The following KCNH8 variants were observed in gnomAD, a reference collection of about 807,000 sequenced individuals.
KCNH8 encodes the protein voltage-gated delayed rectifier potassium channel KCNH8.
Under a neutral mutation model 103.6 loss-of-function variants are expected in KCNH8, and 70 were observed. The observed-to-expected ratio is 0.68, with a 90% CI of 0.56 to 0.82. The LOEUF (loss-of-function observed/expected upper bound fraction) is 0.82. Among genes scored for constraint, KCNH8 ranks in the 40% least tolerant of loss-of-function variants. KCNH8 has a pLI of 0.00. For synonymous variants in KCNH8, 498 were observed against 489.4 expected, an observed-to-expected ratio of 1.02 and a Z score of -0.23; for missense variants, 1,217 against 1,329.9, an observed-to-expected ratio of 0.92 and a Z score of 1.32.
intron 11 of KCNH8, among the ~76,000 whole-genome samples, chr3:19,492,440 C>T (rs2125225191): frequency 6.6e-6 from 1 of 152,192 alleles, no homozygotes; most frequent in South Asian, 2.1e-4. Flanking sequence ...AAGTCCTTTC[C>T]CATTACTTAT....
At chr3:19,445,188 A>G (rs1467435802) in intron 8 of KCNH8, among the ~76,000 whole-genome samples, 3 of 152,046 alleles carry the variant, frequency 2.0e-5, no homozygotes, top group Non-Finnish European at 4.4e-5. Context: ...TAAATCGTAC[A>G]AACTCAATGC....
At chr3:19,307,915 GGAA>G (rs1309436503) in intron 3 of KCNH8, among the ~76,000 whole-genome samples, 2 of 151,830 alleles carry the variant, frequency 1.3e-5, no homozygotes, top group African/African-American at 4.8e-5. Context: ...GGGAGGAACA[GGAA>G]GAGATTTGCT....
rs536851977 is a variant in KCNH8 at position 19,282,843 on chromosome 3, A to G, written c.442+1514A>G. Reference sequence around the variant, plus strand: ...ATCCACGTTCTGAATCAGCTGAAAAAGAAAAATGAGTAGATTGGAGACCAA... The same window carrying G: ...ATCCACGTTCTGAATCAGCTGAAAAGGAAAAATGAGTAGATTGGAGACCAA... On this transcript the variant is annotated intron_variant, in intron 3 of 15. Transcript: ENST00000328405. Among the ~76,000 whole-genome samples, 5 of 152,334 alleles carry G rather than the reference A, an allele frequency of 3.3e-5. No homozygotes were observed. In the East Asian group the frequency reaches 7.7e-4, roughly 24 times the overall value.
intron 11 of KCNH8, among the ~76,000 whole-genome samples, chr3:19,502,627 T>C (rs1299413527): frequency 6.6e-6 from 1 of 151,926 alleles, no homozygotes; most frequent in Non-Finnish European, 1.5e-5. Context: ...ACGCCACATA[T>C]CTACAACTAT....
intron 11 of KCNH8, among the ~76,000 whole-genome samples, chr3:19,460,649 C>G (rs1251428628): frequency 1.3e-5 from 2 of 152,152 alleles, no homozygotes; most frequent in Non-Finnish European, 2.9e-5. Flanking sequence ...TCTTAGGGAT[C>G]ACGTCCTTCA....
intron 1 of KCNH8, among the ~76,000 whole-genome samples, chr3:19,173,359 T>A (rs923761171): frequency 6.6e-6 from 1 of 152,052 alleles, no homozygotes; most frequent in Admixed American, 6.6e-5. Flanking sequence ...GTGCCCGGAT[T>A]TTTCCTAGTT....
intron 5 of KCNH8, among the ~76,000 whole-genome samples, chr3:19,379,920 A>C (rs1011802812): frequency 1.3e-5 from 2 of 152,212 alleles, no homozygotes; most frequent in African/African-American, 4.8e-5. Flanking sequence ...AAAAAACAGT[A>C]AAACTATCTC....
At chr3:19,388,453 T>A (rs2066389306) in intron 5 of KCNH8, among the ~76,000 whole-genome samples, 1 of 152,064 alleles carries the variant, frequency 6.6e-6, no homozygotes, top group Non-Finnish European at 1.5e-5. Flanking sequence ...CATTGACCTG[T>A]CTCCCTCACG....
At chr3:19,269,610 A>G (rs2064560097) in intron 2 of KCNH8, among the ~76,000 whole-genome samples, 1 of 151,280 alleles carries the variant, frequency 6.6e-6, no homozygotes. Context: ...TTAACTTTCT[A>G]GTTGCTTTGA....
At chr3:19,439,499 A>G (rs1393236821) in intron 8 of KCNH8, among the ~76,000 whole-genome samples, 4 of 152,132 alleles carry the variant, frequency 2.6e-5, no homozygotes, top group Non-Finnish European at 5.9e-5. Context: ...ACAAAAATAC[A>G]CTTCCTAAGT....
At chr3:19,250,227 T>G (rs1268556919) in intron 1 of KCNH8, among the ~76,000 whole-genome samples, 17 of 151,820 alleles carry the variant, frequency 1.1e-4, no homozygotes, top group Admixed American at 1.1e-3. Context: ...ATTGTGTCAC[T>G]GCACTCCAGC....
In KCNH8 at chr3:19,417,855, C is replaced by A. The variant is rs770840671; in HGVS notation, c.1178-20309C>A. Among the ~76,000 whole-genome samples the A allele has an allele frequency of 2.6e-5, 4 of 152,054 alleles. No individual in the cohort carries two copies. The East Asian group carries it at 7.7e-4, about 29-fold the overall frequency. On this transcript the variant is annotated intron_variant, in intron 7 of 15. Transcript: ENST00000328405. ...TTTCAGTATTTACTATAAAATAAAT[C>A]ATTAATGATTACCTAAGAGAGACAT...
chr3:19,202,816 AC>A (rs1395965187), intron 1 of KCNH8, among the ~76,000 whole-genome samples: 1 of 152,154 alleles, frequency 6.6e-6, no homozygotes, highest in Non-Finnish European at 1.5e-5. Context: ...AATGTTAGGT[AC>A]TAAATTTATA....
chr3:19,434,688 ATGTT>A (rs2067171970), intron 7 of KCNH8, among the ~76,000 whole-genome samples: 1 of 152,166 alleles, frequency 6.6e-6, no homozygotes, highest in Non-Finnish European at 1.5e-5. Flanking sequence ...GGGGAAACAA[ATGTT>A]AGTAAGAGTA....
In KCNH8 at chr3:19,251,395, G is replaced by C. The variant is rs374534999; in HGVS notation, c.77-2259G>C. 2.0e-5 allele frequency among the ~76,000 whole-genome samples: 3 copies of C among 152,218 alleles called. No individual in the cohort carries two copies. The East Asian group carries it at 5.8e-4, about 29-fold the overall frequency. ...TGTGTCTCTAGCTCATGCTTTCAGAGGGGGAGAGTGGCTGGGAAGGCAGAA... is the reference window on the plus strand; with the variant it reads ...TGTGTCTCTAGCTCATGCTTTCAGACGGGGAGAGTGGCTGGGAAGGCAGAA... On this transcript the variant is annotated intron_variant, in intron 1 of 15. Coordinates refer to ENST00000328405, the MANE Select transcript of KCNH8 (RefSeq NM_144633.3).
intron 3 of KCNH8, among the ~76,000 whole-genome samples, chr3:19,317,395 C>G (rs763553716): frequency 6.6e-6 from 1 of 151,790 alleles, no homozygotes; most frequent in Non-Finnish European, 1.5e-5. Context: ...AAATCAGTTA[C>G]CAATACTTTT....
At chr3:19,447,656 A>G (rs2067382445) in intron 8 of KCNH8, among the ~76,000 whole-genome samples, 1 of 152,002 alleles carries the variant, frequency 6.6e-6, no homozygotes, top group Non-Finnish European at 1.5e-5. Flanking sequence ...GTCGATGTTT[A>G]ATTTCTTTGA....
chr3:19,310,598 A>C (rs2065195418), intron 3 of KCNH8, among the ~76,000 whole-genome samples: 1 of 151,916 alleles, frequency 6.6e-6, no homozygotes, highest in Non-Finnish European at 1.5e-5. Flanking sequence ...GGTGAGAGCT[A>C]TCAGTAAGGT....
At chr3:19,303,802 ACAAT>A (rs1368748008) in intron 3 of KCNH8, among the ~76,000 whole-genome samples, 5 of 152,234 alleles carry the variant, frequency 3.3e-5, no homozygotes, top group Non-Finnish European at 5.9e-5. Flanking sequence ...CTCACACTGA[ACAAT>A]CATTGTAGGC....
Sources: allele counts gnomAD v4.1 joint callset (sites outside exome capture counted in the v4.1 genomes callset), GRCh38; gene constraint gnomAD v4.1.1; transcripts MANE v1.5; gene names NCBI Gene and HGNC (gene_info 2026-07-23, HGNC 2026-07-21).